PACS1: variants seen among roughly 807,000 people sequenced by gnomAD.
The protein encoded by PACS1 is PACS-1.
A neutral mutation model predicts 115.0 loss-of-function variants in PACS1; 24 were observed. The observed-to-expected ratio is 0.21, with a 90% CI of 0.15 to 0.29. The LOEUF (loss-of-function observed/expected upper bound fraction) is 0.29, where lower values mean the gene tolerates loss of function less well. Among genes scored for constraint, PACS1 ranks in the 10% least tolerant of loss-of-function variants. PACS1 has a pLI of 1.00. For synonymous variants in PACS1, 453 were observed against 504.5 expected (o/e 0.90, Z 1.37); for missense variants, 838 against 1,251.2 (o/e 0.67, Z 4.98).
At chr11:66,098,800 T>C (rs1455025549) in intron 1 of PACS1, among the ~76,000 whole-genome samples, 1 of 152,182 alleles carries the variant, frequency 6.6e-6, no homozygotes, top group South Asian at 2.1e-4. Flanking sequence ...TGTAGGGTGA[T>C]TGGCAAGGCG....
chr11:66,211,567 TTAAC>T (rs1810226078), intron 4 of PACS1, among the ~76,000 whole-genome samples: 1 of 152,252 alleles, frequency 6.6e-6, no homozygotes, highest in African/African-American at 2.4e-5. Context: ...TCCAAGTTCT[TTAAC>T]ATATCACCAC....
In PACS1 at chr11:66,107,058, G is replaced by C. The variant is rs538215925; in HGVS notation, c.356+36216G>C. ...GGAATATTACCTCCCAGGTTTAGCA[G>C]TTGGGAAGACATGAAGTACCTGTTC... On this transcript the variant is annotated intron_variant, in intron 1 of 23. Transcript: ENST00000320580. Among the ~76,000 whole-genome samples the C allele has an allele frequency of 1.2e-4, 19 of 152,274 alleles. No individual in the cohort carries two copies. In the East Asian group the frequency reaches 2.5e-3, roughly 20 times the overall value.
intron 2 of PACS1, among the ~76,000 whole-genome samples, chr11:66,203,185 A>G (rs966649057): frequency 6.6e-6 from 1 of 152,208 alleles, no homozygotes; most frequent in South Asian, 2.1e-4. Flanking sequence ...ACATACAGAA[A>G]ATAGGTAGCA....
chr11:66,213,648 G>A (rs945981509), intron 4 of PACS1, among the ~76,000 whole-genome samples: 5 of 152,216 alleles, frequency 3.3e-5, no homozygotes, highest in Non-Finnish European at 5.9e-5. Flanking sequence ...CTATCTAACC[G>A]TGAGCACACA....
At chr11:66,148,377 C>G (rs1230594902) in intron 1 of PACS1, among the ~76,000 whole-genome samples, 1 of 152,108 alleles carries the variant, frequency 6.6e-6, no homozygotes, top group Non-Finnish European at 1.5e-5. Context: ...ACACTCCAGG[C>G]CTCAAATGAT....
chr11:66,091,568 T>C (rs1036506183), intron 1 of PACS1, among the ~76,000 whole-genome samples: 91 of 149,876 alleles, frequency 6.1e-4, no homozygotes, highest in Non-Finnish European at 1.1e-3. Context: ...ATGTGCACAA[T>C]GTGCAGGTTA....
intron 2 of PACS1, among the ~76,000 whole-genome samples, chr11:66,207,235 G>A (rs1034224993): frequency 5.3e-5 from 8 of 152,222 alleles, no homozygotes; most frequent in Non-Finnish European, 1.2e-4. Flanking sequence ...GGGAGGCCAA[G>A]GGGAGCGGAT....
At position 66,235,206 on chromosome 11, in the gene PACS1, T is replaced by C; in HGVS notation, c.2105-95T>C. 1.2e-6 allele frequency: 1 copy of C among 847,666 alleles called. No individual in the cohort carries two copies. Among genetic ancestry groups the C allele is most frequent in the East Asian group, 2.5e-5 (1 of 40,442 alleles). The allele number at this position is 847,666 out of a possible 1,614,324, so 52.5% of individuals were successfully genotyped here. A position where few individuals can be genotyped will look rare whatever the true frequency, so the allele number is the denominator to read the frequency against. On this transcript the variant is annotated intron_variant, in intron 17 of 23. Transcript: ENST00000320580. This position sits in a 1 kb window ranked among gnomAD's most constrained non-coding sequence, Gnocchi z 5.6. ...CATCCTTCACTCAACTCCTAGAGTC[T>C]GACGGGTCTCAGGAAGGGATCCCTC...
In PACS1 at chr11:66,234,166, C is replaced by T. The variant is rs774305002; in HGVS notation, c.2028C>T (p.Val676=). The T allele has an allele frequency of 2.4e-5, 38 of 1,613,868 alleles. No individual in the cohort carries two copies. Among genetic ancestry groups the T allele is most frequent in the South Asian group, 4.4e-5 (4 of 91,066 alleles). ...CTGTGGCCAAATACTTGGGGTCAGT[C>T]GACAGTAAATACAGTAGTTCCTTCC... ...SHPVAKYLGS[V]DSKYSSSFLD... is the part of the protein sequence containing the mutation. Residue 676 remains valine (V), a synonymous_variant, in exon 17 of 24, where the codon GTC becomes GTT. Coordinates refer to ENST00000320580, the MANE Select transcript of PACS1 (RefSeq NM_018026.4).
In PACS1 at chr11:66,242,894, G is replaced by C; in HGVS notation, c.2657-18G>C. 6.2e-7 allele frequency: 1 copy of C among 1,613,916 alleles called. No individual in the cohort carries two copies. The highest frequency in any genetic ancestry group is 8.5e-7 in the Non-Finnish European group (1 of 1,179,914). On this transcript the variant is annotated intron_variant, in intron 22 of 23. Transcript: ENST00000320580. ...TTCCCCAGGGGCTGGGACACAGGTG[G>C]CCTTGCTTGCTTTCCAGTTCCCACC...
intron 2 of PACS1, among the ~76,000 whole-genome samples, chr11:66,201,622 GAAAA>G (rs1292645831): frequency 7.2e-6 from 1 of 138,080 alleles, no homozygotes; most frequent in Non-Finnish European, 1.6e-5. Flanking sequence ...AAATGAAATT[GAAAA>G]AAAAAAGTCA....
chr11:66,238,359 C>T (rs568398077), intron 19 of PACS1: 20 of 984,440 alleles, frequency 2.0e-5, no homozygotes, highest in Non-Finnish European at 2.4e-5. Flanking sequence ...CTGCCTTCAG[C>T]CCTTTATCCC....
chr11:66,114,529 A>G (rs1318572541), intron 1 of PACS1, among the ~76,000 whole-genome samples: 2 of 152,094 alleles, frequency 1.3e-5, no homozygotes, highest in Non-Finnish European at 2.9e-5. Context: ...AACACAGTTT[A>G]TTTAACTAAT....
chr11:66,109,969 T>A (rs1351876901), intron 1 of PACS1, among the ~76,000 whole-genome samples: 3 of 152,216 alleles, frequency 2.0e-5, no homozygotes, highest in Non-Finnish European at 2.9e-5. Context: ...ACAAGTGATT[T>A]GATAAGTTAT....
intron 1 of PACS1, among the ~76,000 whole-genome samples, chr11:66,089,236 T>C (rs1390960340): frequency 6.6e-6 from 1 of 152,204 alleles, no homozygotes; most frequent in Non-Finnish European, 1.5e-5. Flanking sequence ...TCTCAATCAT[T>C]GTGACAACCC....
At chr11:66,176,138 G>A in intron 1 of PACS1, among the ~76,000 whole-genome samples, 1 of 152,110 alleles carries the variant, frequency 6.6e-6, no homozygotes, top group African/African-American at 2.4e-5. Context: ...TGTTGCATGG[G>A]AACATTGTGT....
intron 1 of PACS1, among the ~76,000 whole-genome samples, chr11:66,187,717 C>A (rs1854416259): frequency 6.6e-6 from 1 of 152,084 alleles, no homozygotes; most frequent in African/African-American, 2.4e-5. Flanking sequence ...GTTGTCGGAC[C>A]CCTAGGTTGA....
chr11:66,221,289 A>C (rs369188512), intron 10 of PACS1, 42 bp downstream of exon 10: 80 of 1,540,226 alleles, frequency 5.2e-5, no homozygotes, highest in Middle Eastern at 3.6e-4. Context: ...GGACCGTGGC[A>C]TGTCAGGGCT....
chr11:66,126,233 C>T (rs1858568498), intron 1 of PACS1, among the ~76,000 whole-genome samples: 1 of 152,150 alleles, frequency 6.6e-6, no homozygotes. Flanking sequence ...AGGCAGTGGC[C>T]TGCTGGGGAA....
Sources: allele counts gnomAD v4.1 joint callset (sites outside exome capture counted in the v4.1 genomes callset), GRCh38; gene constraint gnomAD v4.1.1; non-coding constraint Gnocchi (gnomAD v3.1); transcripts MANE v1.5; gene names NCBI Gene and HGNC (gene_info 2026-07-23, HGNC 2026-07-21).